TDO2: variants seen among roughly 807,000 people sequenced by gnomAD.
TDO2 encodes the protein tryptophan 2,3-dioxygenase.
A neutral mutation model predicts 61.2 loss-of-function variants in TDO2; 63 were observed. The observed-to-expected ratio is 1.03, with a 90% CI of 0.84 to 1.27. The LOEUF is 1.27. Among genes scored for constraint, TDO2 ranks in the 50% most tolerant of loss-of-function variants. The pLI is 0.00. For synonymous variants in TDO2, 183 were observed against 164.0 expected (o/e 1.12, Z -0.89); for missense variants, 494 against 469.5 (o/e 1.05, Z -0.48).
chr4:155,909,205 A>G, intron 5 of TDO2, among the ~76,000 whole-genome samples, 191 bp downstream of exon 5: 1 of 152,230 alleles, frequency 6.6e-6, no homozygotes, highest in Non-Finnish European at 1.5e-5. Flanking sequence ...ATTCATTTTT[A>G]CATGTAAGCG....
chr4:155,918,990 T>G (rs1742995504), intron 11 of TDO2: 2 of 152,216 alleles, frequency 1.3e-5, no homozygotes, highest in Non-Finnish European at 2.9e-5. Flanking sequence ...GTTTAAATTT[T>G]CATCATTTTT....
chr4:155,910,232 T>C, intron 6 of TDO2, 21 bp downstream of exon 6: 1 of 1,533,180 alleles, frequency 6.5e-7, no homozygotes, highest in Non-Finnish European at 8.7e-7. Context: ...ATACAATTTA[T>C]AAAGTTTAAC....
intron 9 of TDO2, among the ~76,000 whole-genome samples, chr4:155,916,198 C>T (rs1304210942): frequency 7.8e-6 from 1 of 127,714 alleles, no homozygotes; most frequent in Non-Finnish European, 1.6e-5. Flanking sequence ...GACGGAGTCT[C>T]GCTCTGTGGC....
rs1742672852 is a variant in TDO2 at position 155,904,007 on chromosome 4, T to C, written c.36-11T>C. The C allele has an allele frequency of 1.9e-6, 3 of 1,609,984 alleles. No homozygotes were observed. The East Asian group carries it at 6.7e-5, about 36-fold the overall frequency. Reference sequence around the variant, plus strand: ...GCACTATTTTTCCCTCTTGATTTATTAAATTTGCAGATATACTTTTAAAAA... The same window carrying C: ...GCACTATTTTTCCCTCTTGATTTATCAAATTTGCAGATATACTTTTAAAAA... On this transcript the variant is annotated splice_polypyrimidine_tract_variant and intron_variant, in intron 1 of 11. Transcript: ENST00000536354.
In TDO2 at chr4:155,904,131, G is replaced by T. The variant is rs750261254; in HGVS notation, c.141+8G>T. ...TATGGGAACTACCTGCATGTAAGTG[G>T]CAGGGTCCTTACAGGGTTTGGTGTC... On this transcript the variant is annotated splice_region_variant and intron_variant, in intron 2 of 11. Coordinates refer to ENST00000536354, the MANE Select transcript of TDO2 (RefSeq NM_005651.4). 46 of 1,600,552 alleles carry T rather than the reference G, an allele frequency of 2.9e-5. No individual in the cohort carries two copies. The highest frequency in any genetic ancestry group is 2.7e-5 in the Non-Finnish European group (32 of 1,168,408).
chr4:155,917,608 C>T (rs1742966858), intron 10 of TDO2, 134 bp downstream of exon 10: 2 of 658,432 alleles, frequency 3.0e-6, no homozygotes, highest in Non-Finnish European at 4.9e-6. Context: ...TTCTTTTATA[C>T]AAATCAGCTT....
intron 5 of TDO2, among the ~76,000 whole-genome samples, chr4:155,909,332 A>G (rs565169807): frequency 2.6e-4 from 39 of 152,334 alleles, no homozygotes; most frequent in African/African-American, 8.4e-4. Flanking sequence ...AATTAAATTT[A>G]AAAGATATAA....
In TDO2 at chr4:155,920,135, T is replaced by C. The variant is rs373776199; in HGVS notation, c.*145T>C. The C allele has an allele frequency of 1.4e-5, 10 of 713,906 alleles. 1 individual carries two copies. The highest frequency in any genetic ancestry group is 7.2e-5 in the African/African-American group (4 of 55,206). 44.2% of individuals were successfully genotyped at this position (713,906 alleles called of 1,614,324 possible). ...TGATTTAATTCTAGAAACAATTTGA[T>C]TACCTCTTGTTTGTGACAAGACTAA... On this transcript the variant is annotated 3_prime_UTR_variant, in exon 12 of 12. Coordinates refer to ENST00000536354, the MANE Select transcript of TDO2 (RefSeq NM_005651.4).
At chr4:155,908,785 C>G in intron 4 of TDO2, 102 bp from the exon 5 acceptor site, 1 of 1,421,546 alleles carries the variant, frequency 7.0e-7, no homozygotes, top group East Asian at 2.4e-5. Context: ...CCCTTTAAAA[C>G]CAAATTAGAG....
At chr4:155,904,230 C>T (rs969130878) in intron 2 of TDO2, 107 bp downstream of exon 2, 8 of 766,610 alleles carry the variant, frequency 1.0e-5, no homozygotes, top group Middle Eastern at 4.7e-4. Context: ...AGTCACCAAT[C>T]GTTTTCTGGA....
intron 3 of TDO2, chr4:155,906,308 A>G (rs1220639908): frequency 3.3e-5 from 5 of 152,190 alleles, no homozygotes. Context: ...TAGTTATAAC[A>G]TGTAGGCAGT....
intron 4 of TDO2, 144 bp downstream of exon 4, chr4:155,907,936 G>T (rs759942957): frequency 1.8e-5 from 11 of 599,284 alleles, no homozygotes; most frequent in Non-Finnish European, 5.8e-6. Flanking sequence ...AATGAATGAG[G>T]AGTTCAGTCA....
intron 2 of TDO2, 95 bp from the exon 3 acceptor site, chr4:155,904,972 A>T (rs1329383721): frequency 4.7e-5 from 35 of 748,508 alleles, no homozygotes; most frequent in Non-Finnish European, 7.0e-5. Context: ...TTGAGTTTGG[A>T]GGAGCATTTG....
In TDO2 at chr4:155,920,210, T is replaced by C; in HGVS notation, c.*220T>C. The C allele has an allele frequency of 2.0e-6, 1 of 499,632 alleles. No individual in the cohort carries two copies. The highest frequency in any genetic ancestry group is 3.5e-6 in the Non-Finnish European group (1 of 286,628). The allele number at this position is 499,632 out of a possible 1,614,324, so 30.9% of individuals were successfully genotyped here. On this transcript the variant is annotated 3_prime_UTR_variant, in exon 12 of 12. Coordinates refer to ENST00000536354, the MANE Select transcript of TDO2 (RefSeq NM_005651.4). ...TTAAATAGTAACATTGTACATAGGG[T>C]GTTTTCCTATTAAAAATTCAGTTTC...
At chr4:155,913,201 C>A (rs1018560597) in intron 7 of TDO2, among the ~76,000 whole-genome samples, 1 of 152,110 alleles carries the variant, frequency 6.6e-6, no homozygotes, top group Non-Finnish European at 1.5e-5. Flanking sequence ...GAAGGCAAAT[C>A]TGATCACATC....
rs776113699 is a variant in TDO2, at chr4:155,911,584, G to A, written c.706G>A (p.Glu236Lys). Residue 236 changes from glutamate to lysine, a missense_variant, in exon 7 of 12, where the codon GAG becomes AAG. By Grantham distance (56) the Glu-to-Lys change is moderately conservative. Transcript: ENST00000536354. ...LEKNITRGLEEEFIRIQAKEE... is the reference protein window; with the variant it reads ...LEKNITRGLEKEFIRIQAKEE... ...AAAAAATATCACCAGAGGCCTGGAA[G>A]AGGAATTCATAAGGATTCAGGTATT... The A allele has an allele frequency of 6.4e-7, 1 of 1,564,942 alleles. No individual in the cohort carries two copies. The highest frequency in any genetic ancestry group is 1.1e-5 in the South Asian group (1 of 87,054).
intron 8 of TDO2, among the ~76,000 whole-genome samples, chr4:155,914,932 AT>A (rs1742903853): frequency 6.6e-6 from 1 of 152,168 alleles, no homozygotes; most frequent in Admixed American, 6.5e-5. Context: ...AAGTTTAGTT[AT>A]TTGGATTTAT....
rs200872408 is a variant in TDO2, at chr4:155,916,760, T to TA, written c.897-628dup. Among the ~76,000 whole-genome samples, 1,155 of 152,184 alleles carry TA rather than the reference T, an allele frequency of 7.6e-3. 12 individuals carry two copies. Among genetic ancestry groups the TA allele is most frequent in the African/African-American group, 0.023 (951 of 41,532 alleles). On this transcript the variant is annotated intron_variant, in intron 9 of 11. Coordinates refer to ENST00000536354, the MANE Select transcript of TDO2 (RefSeq NM_005651.4). ...GTCAGAACAATAAACATCACACTAG[T>TA]AAAAAAATACCTATATTTACAGGCC...
chr4:155,905,894 G>A (rs68178732), intron 3 of TDO2: 1 of 151,918 alleles, frequency 6.6e-6, no homozygotes, highest in South Asian at 2.1e-4. Flanking sequence ...ATGTGATTGA[G>A]TAAATTAATA....
Sources: allele counts gnomAD v4.1 joint callset (sites outside exome capture counted in the v4.1 genomes callset), GRCh38; gene constraint gnomAD v4.1.1; transcripts MANE v1.5; gene names NCBI Gene and HGNC (gene_info 2026-07-23, HGNC 2026-07-21).